ADAMTS7: variants seen among roughly 807,000 people sequenced by gnomAD.
ADAMTS7 encodes ADAM metallopeptidase with thrombospondin type 1 motif 7, also known as A disintegrin and metalloproteinase with thrombospondin motifs 7.
In ADAMTS7, 89 loss-of-function variants were observed where a neutral mutation model predicts 172.6. The ratio of observed to expected loss-of-function variants is 0.52; its 90% CI spans 0.43 to 0.61. The LOEUF (loss-of-function observed/expected upper bound fraction) is 0.61, where lower values mean the gene tolerates loss of function less well. ADAMTS7 is among the 20% of genes least tolerant of loss of function. The probability of loss-of-function intolerance (pLI) is 0.00; values close to 1 mark genes in which losing one functional copy is unlikely to be tolerated. For synonymous variants in ADAMTS7, 885 were observed against 978.4 expected (o/e 0.90, Z 1.78); for missense variants, 1,973 against 2,355.6 (o/e 0.84, Z 3.36).
At chr15:78,798,338 G>A (rs2055673945) in intron 2 of ADAMTS7, among the ~76,000 whole-genome samples, 1 of 152,198 alleles carries the variant, frequency 6.6e-6, no homozygotes, top group Non-Finnish European at 1.5e-5. Context: ...CTTCAAAGCG[G>A]AGCTCAGAAG....
At chr15:78,768,049 G>GT (rs2055186133) in intron 17 of ADAMTS7, 84 bp downstream of exon 17, 1 of 933,756 alleles carries the variant, frequency 1.1e-6, no homozygotes, top group Non-Finnish European at 1.5e-6. Context: ...GGCGGGGGAT[G>GT]GGGTGGGGAG....
intron 23 of ADAMTS7, chr15:78,761,819 G>A: frequency 1.0e-6 from 1 of 985,008 alleles, no homozygotes; most frequent in Non-Finnish European, 1.2e-6. Context: ...CTCTACCTCA[G>A]GCCCTTCCAC....
chr15:78,769,055 G>A (rs2055206033), intron 16 of ADAMTS7, among the ~76,000 whole-genome samples: 1 of 152,100 alleles, frequency 6.6e-6, no homozygotes, highest in African/African-American at 2.4e-5. Flanking sequence ...GGGGGCCACC[G>A]ACACATCATC....
rs754611819 is a variant in ADAMTS7 at position 78,774,210 on chromosome 15, T to C, written c.1967A>G (p.Gln656Arg). The change falls in exon 13 of 24, where the codon CAG (glutamine) becomes CGG (arginine). Residue 656 changes from glutamine to arginine, a missense_variant. By Grantham distance (43) the Gln-to-Arg change is conservative. Around this residue, in one of 8 missense-constraint regions of ADAMTS7, gnomAD observed 526 missense variants for 662.9 expected, o/e 0.79. Coordinates refer to ENST00000388820, the MANE Select transcript of ADAMTS7 (RefSeq NM_014272.5). ...GCAGAGGTCCCGGCTGGCTCGGACC[T>C]GGTAGCAGGGGGTGCCATCGACCAC... ...DAVVDGTPCY[Q>R]VRASRDLCIN... 3.1e-6 allele frequency: 5 copies of C among 1,590,222 alleles called. No homozygotes were observed. The Admixed American group carries it at 6.8e-5, about 22-fold the overall frequency.
chr15:78,805,394 C>T (rs2055774567), intron 1 of ADAMTS7, among the ~76,000 whole-genome samples: 1 of 152,196 alleles, frequency 6.6e-6, no homozygotes, highest in Admixed American at 6.5e-5. Context: ...CTTGAAAAGT[C>T]TTATCATCCA....
At chr15:78,792,327 A>AC (rs1199282581) in intron 4 of ADAMTS7, among the ~76,000 whole-genome samples, 5 of 152,040 alleles carry the variant, frequency 3.3e-5, no homozygotes, top group Non-Finnish European at 5.9e-5. Flanking sequence ...CATCTCCAAC[A>AC]CCACTGCCTC....
At chr15:78,774,884 C>T in intron 11 of ADAMTS7, 91 bp from the exon 12 acceptor site, 2 of 1,453,386 alleles carry the variant, frequency 1.4e-6, no homozygotes, top group South Asian at 2.8e-5. Context: ...CTCCTGCATC[C>T]ACACCCCGAG....
chr15:78,767,597 C>G lies in ADAMTS7; in HGVS notation c.2646-5G>C. On this transcript the variant is annotated splice_polypyrimidine_tract_variant and splice_region_variant and intron_variant, in intron 17 of 23. Coordinates refer to ENST00000388820, the MANE Select transcript of ADAMTS7 (RefSeq NM_014272.5). Reference sequence around the variant, plus strand: ...TGCCACTCACCTGCCCACCACCTGGCGAGGGCACACAGGTGGCATCAGTGT... The same window carrying G: ...TGCCACTCACCTGCCCACCACCTGGGGAGGGCACACAGGTGGCATCAGTGT... 3.3e-6 allele frequency: 5 copies of G among 1,534,344 alleles called. No individual in the cohort carries two copies.
rs191980564 is a variant in ADAMTS7, at chr15:78,765,592, T to C, written c.4266+53A>G. ...CTCTGCTCATTTTCAGATGAGGAAA[T>C]AGTCACCAAGGTCCTGCGCAAACTC... On this transcript the variant is annotated intron_variant, in intron 19 of 23. Transcript: ENST00000388820. 0.016 allele frequency: 25,209 copies of C among 1,594,006 alleles called. 3,751 individuals are homozygous for C. The East Asian group carries it at 0.35, about 22-fold the overall frequency.
At position 78,800,343 on chromosome 15, in the gene ADAMTS7, A is replaced by C; in HGVS notation, c.305T>G (p.Leu102Arg). ...RFNLTANQHL[L>R]APGFVSETRR... ...CGTCTCGCTCACAAAGCCGGGCGCC[A>C]GCAGGTGCTGATTGGCGGTCAGGTT... Residue 102 changes from leucine (L) to arginine (R), a missense_variant, in exon 2 of 24, where the codon CTG (leucine) becomes CGG (arginine). Leu to Arg is a moderately radical substitution (Grantham distance 102). This residue lies in a region of ADAMTS7 where 306 missense variants were observed against 288.0 expected (regional missense o/e 1.06). Coordinates refer to ENST00000388820, the MANE Select transcript of ADAMTS7 (RefSeq NM_014272.5). 1.2e-6 allele frequency: 2 copies of C among 1,603,360 alleles called. No individual in the cohort carries two copies. Among genetic ancestry groups the C allele is most frequent in the Non-Finnish European group, 1.7e-6 (2 of 1,176,418 alleles).
chr15:78,771,081 A>G lies in ADAMTS7; in HGVS notation c.2518+81T>C. 1 of 1,461,100 alleles carries G rather than the reference A, an allele frequency of 6.8e-7. No homozygotes were observed. Among genetic ancestry groups the G allele is most frequent in the East Asian group, 2.5e-5 (1 of 40,090 alleles). 90.5% of individuals were successfully genotyped at this position (1,461,100 alleles called of 1,614,324 possible). A position where few individuals can be genotyped will look rare whatever the true frequency, so the allele number is the denominator to read the frequency against. On this transcript the variant is annotated intron_variant, in intron 16 of 23. Coordinates refer to ENST00000388820, the MANE Select transcript of ADAMTS7 (RefSeq NM_014272.5). This position sits in a 1 kb window ranked among gnomAD's most constrained non-coding sequence, Gnocchi z 4.9. ...ACTTCCAAACCCGTGGTGGCCCAGC[A>G]GTGAGCTGGGAGCTGAAGCCAGTGT...
intron 23 of ADAMTS7, among the ~76,000 whole-genome samples, chr15:78,760,671 C>T (rs1280539785): frequency 2.0e-5 from 3 of 152,172 alleles, no homozygotes; most frequent in Admixed American, 6.5e-5. Flanking sequence ...ACGAGTTTCC[C>T]AGCTTTCCAC....
intron 7 of ADAMTS7, 134 bp downstream of exon 7, chr15:78,789,555 G>A: frequency 8.0e-7 from 1 of 1,248,868 alleles, no homozygotes; most frequent in Non-Finnish European, 1.1e-6. Flanking sequence ...GGCAGCACAT[G>A]GCCAGTCAGG....
rs1429980653 is a variant in ADAMTS7 at position 78,764,561 on chromosome 15, C to G, written c.4413G>C (p.Trp1471Cys). ...RPCATWHSGN[W>C]SKCSRSCGGG... Reference sequence around the variant, plus strand: ...TGGCTCCATCCTCACGCACCTTACTCCAGTTGCCTGAGTGCCAGGTGGCAC... The same window carrying G: ...TGGCTCCATCCTCACGCACCTTACTGCAGTTGCCTGAGTGCCAGGTGGCAC... The change falls in exon 20 of 24, where the codon TGG (tryptophan) becomes TGC (cysteine). Residue 1471 changes from tryptophan (W) to cysteine (C), a missense_variant. Coordinates refer to ENST00000388820, the MANE Select transcript of ADAMTS7 (RefSeq NM_014272.5). The G allele has an allele frequency of 1.9e-6, 3 of 1,549,794 alleles. No individual in the cohort carries two copies. The South Asian group carries it at 3.5e-5, about 18-fold the overall frequency.
At position 78,762,459 on chromosome 15, in the gene ADAMTS7, C is replaced by A; in HGVS notation, c.4847G>T (p.Trp1616Leu). The change falls in exon 23 of 24, where the codon TGG becomes TTG. Residue 1616 changes from tryptophan to leucine, a missense_variant. This residue lies in a region of ADAMTS7 where 42 missense variants were observed against 78.3 expected (regional missense o/e 0.54). Transcript: ENST00000388820. The stretch of plus-strand genomic sequence containing the variant: ...GCCACACGGCCGGGAGCTCTCAGGC[C>A]AGGCCTCGTGGCCACACTGGTCACT... ...EDSDQCGHEA[W>L]PESSRPCGTE... 3 of 1,575,968 alleles carry A rather than the reference C, an allele frequency of 1.9e-6. No individual in the cohort carries two copies. In the Admixed American group the frequency reaches 5.3e-5, roughly 28 times the overall value.
intron 6 of ADAMTS7, among the ~76,000 whole-genome samples, 165 bp from the exon 7 acceptor site, chr15:78,790,003 G>A (rs548744776): frequency 1.3e-5 from 2 of 152,328 alleles, no homozygotes; most frequent in East Asian, 3.9e-4. Flanking sequence ...GGAAGCAGGT[G>A]CTCTCATTTA....
chr15:78,767,263 C>G (rs2055171800), intron 18 of ADAMTS7, 116 bp downstream of exon 18: 8 of 1,353,926 alleles, frequency 5.9e-6, no homozygotes, highest in Non-Finnish European at 7.2e-6. Flanking sequence ...GGGGCTGGAC[C>G]CTGGAATGCC....
At chr15:78,768,758 C>A (rs2055200927) in intron 16 of ADAMTS7, among the ~76,000 whole-genome samples, 1 of 152,240 alleles carries the variant, frequency 6.6e-6, no homozygotes, top group Non-Finnish European at 1.5e-5. Context: ...ACCCTCCCCT[C>A]AGGGAAACTG....
At chr15:78,797,114 C>T (rs2055655713) in intron 3 of ADAMTS7, among the ~76,000 whole-genome samples, 1 of 152,204 alleles carries the variant, frequency 6.6e-6, no homozygotes, top group Non-Finnish European at 1.5e-5. Context: ...CCTGACAAAG[C>T]TGGCAACTGG....
Sources: gnomAD v4.1 joint callset for allele counts (sites outside exome capture counted in the v4.1 genomes callset) on GRCh38, gnomAD v4.1.1 for gene constraint, gnomAD v4.1.1 regional missense constraint, Gnocchi (gnomAD v3.1) non-coding constraint, MANE v1.5 for transcripts, NCBI Gene and HGNC (gene_info 2026-07-23, HGNC 2026-07-21) for gene names.